Variants in LRRK2 observed in about 807,000 individuals in gnomAD.
LRRK2 encodes leucine-rich repeat serine/threonine-protein kinase 2.
In LRRK2, 203 loss-of-function variants were observed where a neutral mutation model predicts 302.6. The observed-to-expected ratio is 0.67, with a 90% CI of 0.60 to 0.75. LRRK2 has a LOEUF of 0.75. Ranked by LOEUF, LRRK2 falls within the 30% of genes least tolerant of loss-of-function variation. LRRK2 has a pLI of 0.00. For synonymous variants in LRRK2, 1,066 were observed against 1,031.9 expected (o/e 1.03, Z -0.63); for missense variants, 2,830 against 2,951.0 (o/e 0.96, Z 0.95).
intron 47 of LRRK2, among the ~76,000 whole-genome samples, chr12:40,361,003 C>T (rs1026008554): frequency 3.3e-5 from 5 of 152,066 alleles, no homozygotes; most frequent in African/African-American, 9.7e-5. Flanking sequence ...TTCTCAATAC[C>T]ACTAAATCTA....
At chr12:40,298,589 T>C in intron 24 of LRRK2, 96 bp downstream of exon 24, 2 of 1,467,906 alleles carry the variant, frequency 1.4e-6, no homozygotes, top group Non-Finnish European at 1.9e-6. Context: ...TTTAACAACA[T>C]GGTGAAACTC....
chr12:40,249,445 T>C (rs906023959), intron 7 of LRRK2, among the ~76,000 whole-genome samples: 2 of 152,070 alleles, frequency 1.3e-5, no homozygotes, highest in Non-Finnish European at 2.9e-5. Flanking sequence ...TAATATTGGG[T>C]CTTCCAAAAG....
In LRRK2 at chr12:40,340,467, G is replaced by A; in HGVS notation, c.6109+13G>A. ...GAGGGCACACCAGGTAGGTGATCAG[G>A]TCTGTCTCATAATTCTATCTTCAGG... is the stretch of plus-strand genomic sequence containing the variant. On this transcript the variant is annotated intron_variant, in intron 41 of 50. Coordinates refer to ENST00000298910, the MANE Select transcript of LRRK2 (RefSeq NM_198578.4). 1 of 1,613,610 alleles carries A rather than the reference G, an allele frequency of 6.2e-7. No homozygotes were observed. Among genetic ancestry groups the A allele is most frequent in the Non-Finnish European group, 8.5e-7 (1 of 1,179,648 alleles).
In LRRK2 at chr12:40,333,620, G is replaced by T. The variant is rs11830178; in HGVS notation, c.5758-1347G>T. On this transcript the variant is annotated intron_variant, in intron 39 of 50. Coordinates refer to ENST00000298910, the MANE Select transcript of LRRK2 (RefSeq NM_198578.4). ...TACTACCACATCTTCGGAGTGGCCT[G>T]CCATGGGCCACCCTTACTAAGGCAA... Among the ~76,000 whole-genome samples the T allele has an allele frequency of 6.0e-3, 910 of 151,858 alleles. 16 individuals carry two copies. The highest frequency in any genetic ancestry group is 0.021 in the African/African-American group (868 of 41,464).
intron 42 of LRRK2, among the ~76,000 whole-genome samples, chr12:40,347,911 T>G (rs1946240582): frequency 6.6e-6 from 1 of 151,896 alleles, no homozygotes; most frequent in African/African-American, 2.4e-5. Context: ...GAGCCGAGAT[T>G]GCGCCACTGC....
intron 38 of LRRK2, among the ~76,000 whole-genome samples, chr12:40,324,502 T>C (rs1945489435): frequency 6.6e-6 from 1 of 152,208 alleles, no homozygotes; most frequent in South Asian, 2.1e-4. Flanking sequence ...ATTGATTTAA[T>C]ATAAAGCATT....
intron 7 of LRRK2, among the ~76,000 whole-genome samples, chr12:40,247,663 CAA>C (rs1565677864): frequency 1.1e-3 from 81 of 74,242 alleles, no homozygotes; most frequent in Admixed American, 2.0e-3. Context: ...TATAAATATA[CAA>C]ATATAAATAT....
chr12:40,336,214 A>G (rs1945864763), intron 40 of LRRK2, among the ~76,000 whole-genome samples: 1 of 151,932 alleles, frequency 6.6e-6, no homozygotes, highest in Non-Finnish European at 1.5e-5. Flanking sequence ...TCTGCTGTTG[A>G]TTTCACTCAG....
At chr12:40,273,072 C>T (rs1050516522) in intron 14 of LRRK2, among the ~76,000 whole-genome samples, 1 of 152,118 alleles carries the variant, frequency 6.6e-6, no homozygotes, top group Non-Finnish European at 1.5e-5. Flanking sequence ...TTATAACAAC[C>T]CTACATTATT....
chr12:40,353,999 GGGAGAGGGAGAC>G (rs1946454028), intron 44 of LRRK2, among the ~76,000 whole-genome samples: 1 of 152,118 alleles, frequency 6.6e-6, no homozygotes, highest in African/African-American at 2.4e-5. Context: ...GGAGACCATG[GGGAGAGGGAGAC>G]GGAGAGGGAG....
chr12:40,302,120 T>C (rs61915563), intron 25 of LRRK2, among the ~76,000 whole-genome samples: 3 of 151,952 alleles, frequency 2.0e-5, no homozygotes, highest in African/African-American at 7.3e-5. Context: ...GGAGATTGCA[T>C]TGAGCTGAGA....
intron 8 of LRRK2, among the ~76,000 whole-genome samples, chr12:40,250,528 A>G (rs1445089372): frequency 6.6e-6 from 1 of 152,212 alleles, no homozygotes. Flanking sequence ...GTTCTGGTGT[A>G]CACGTGCAGG....
At position 40,299,110 on chromosome 12, in the gene LRRK2, AAT is replaced by A. The variant is rs1944523008; in HGVS notation, c.3351_3352del (p.Asn1117LysfsTer20). 2 of 1,612,588 alleles carry A rather than the reference AAT, an allele frequency of 1.2e-6. No individual in the cohort carries two copies. The highest frequency in any genetic ancestry group is 4.5e-5 in the East Asian group (2 of 44,764). ...EKLEQLILEGNKISGICSPLR... is the reference protein window; with the variant it reads ...EKLEQLILEGXKISGICSPLR... ...CATTATCTTGTCTCTTGTGACTAGA[AAT>A]AAAATATCAGGGATATGCTCCCCCT... On this transcript the variant is annotated frameshift_variant and splice_region_variant, in exon 25 of 51. Transcript: ENST00000298910. LOFTEE classifies it high-confidence loss of function.
At chr12:40,282,302 G>A (rs897305621) in intron 18 of LRRK2, among the ~76,000 whole-genome samples, 8 of 151,560 alleles carry the variant, frequency 5.3e-5, no homozygotes, top group Non-Finnish European at 1.2e-4. Context: ...TTTGCTAGAT[G>A]TTGTGCTAGG....
chr12:40,302,211 TA>T (rs982196246), intron 25 of LRRK2, among the ~76,000 whole-genome samples: 5 of 151,794 alleles, frequency 3.3e-5, no homozygotes, highest in African/African-American at 1.2e-4. Flanking sequence ...TAATAAAAAA[TA>T]AAAAAATCAT....
At chr12:40,315,329 G>A in intron 33 of LRRK2, 29 bp downstream of exon 33, 1 of 1,556,834 alleles carries the variant, frequency 6.4e-7, no homozygotes, top group Non-Finnish European at 8.9e-7. Flanking sequence ...TGTGGCACGG[G>A]GGTTATGGTC....
At position 40,225,243 on chromosome 12, in the gene LRRK2, A is replaced by G; in HGVS notation, c.112A>G (p.Ile38Val). 3.1e-6 allele frequency: 5 copies of G among 1,614,144 alleles called. No homozygotes were observed. In the South Asian group the frequency reaches 4.4e-5, roughly 14 times the overall value. Residue 38 changes from isoleucine (I) to valine (V), a missense_variant, in exon 1 of 51, where the codon ATC (isoleucine) becomes GTC (valine). This residue lies in a region of LRRK2 where 2,121 missense variants were observed against 2,148.0 expected (regional missense o/e 0.99). Coordinates refer to ENST00000298910, the MANE Select transcript of LRRK2 (RefSeq NM_198578.4). ...EGKQIETLVQ[I>V]LEDLLVFTYS... Reference sequence around the variant, plus strand: ...AAAACAGATAGAAACGCTGGTCCAAATCCTGGAGGATCTGCTGGTGTTCAC... The same window carrying G: ...AAAACAGATAGAAACGCTGGTCCAAGTCCTGGAGGATCTGCTGGTGTTCAC...
intron 13 of LRRK2, 45 bp from the exon 14 acceptor site, chr12:40,263,744 G>A: frequency 7.2e-7 from 1 of 1,389,624 alleles, no homozygotes; most frequent in Non-Finnish European, 1.0e-6. Context: ...CAACTCAAAT[G>A]TTTATAAGAA....
intron 33 of LRRK2, among the ~76,000 whole-genome samples, 196 bp from the exon 34 acceptor site, chr12:40,319,792 T>C (rs74485400): frequency 9.5e-5 from 9 of 94,910 alleles, no homozygotes; most frequent in Non-Finnish European, 1.8e-4. Context: ...AACAATTTTT[T>C]TTTTTTTTTT....
Sources: allele counts gnomAD v4.1 joint callset (sites outside exome capture counted in the v4.1 genomes callset), GRCh38; gene constraint gnomAD v4.1.1; regional missense constraint gnomAD v4.1.1; transcripts MANE v1.5; gene names NCBI Gene and HGNC (gene_info 2026-07-23, HGNC 2026-07-21).